The following TRPM3 variants were observed in gnomAD, a reference collection of about 807,000 sequenced individuals.
TRPM3 encodes transient receptor potential cation channel subfamily M member 3, also known as long transient receptor potential channel 3.
TRPM3 carries 77 observed loss-of-function variants against 181.2 expected under a neutral mutation model. That is an observed-to-expected ratio of 0.42 (90% CI 0.35 to 0.51). TRPM3 has a LOEUF of 0.51. TRPM3 is among the 20% of genes least tolerant of loss of function. TRPM3 has a pLI of 0.01. For missense variants in TRPM3, 1,759 were observed against 2,196.7 expected (o/e 0.80, Z 3.98); for synonymous variants, 745 against 796.4 (o/e 0.94, Z 1.09).
chr9:70,894,624 G>C (rs959317974), intron 1 of TRPM3, among the ~76,000 whole-genome samples: 4 of 152,126 alleles, frequency 2.6e-5, no homozygotes, highest in Non-Finnish European at 5.9e-5. Flanking sequence ...TACAAGATTA[G>C]TTGCAGTTGA....
rs1375620844 is a variant in TRPM3 at position 70,549,641 on chromosome 9, A to G, written c.3608T>C (p.Val1203Ala). Residue 1203 changes from valine (V) to alanine (A), a missense_variant, in exon 25 of 26, where the codon GTA (valine) becomes GCA (alanine). This residue lies in a region of TRPM3 where 96 missense variants were observed against 129.6 expected (regional missense o/e 0.74). Coordinates refer to ENST00000677713, the MANE Select transcript of TRPM3 (RefSeq NM_001366145.2). ...TATGCATTGCTCTTCAAAGTCATGT[A>G]CTTTCTTGAGCTCATCATCGGTTAT... is the stretch of plus-strand genomic sequence containing the variant. ...LFITDDELKKVHDFEEQCIEE... is the reference protein window; with the variant it reads ...LFITDDELKKAHDFEEQCIEE... 6.2e-7 allele frequency: 1 copy of G among 1,611,606 alleles called. No homozygotes were observed. Among genetic ancestry groups the G allele is most frequent in the South Asian group, 1.1e-5 (1 of 91,022 alleles).
At chr9:71,177,224 A>C (rs2077149159) in intron 1 of TRPM3, among the ~76,000 whole-genome samples, 1 of 152,088 alleles carries the variant, frequency 6.6e-6, no homozygotes, top group Admixed American at 6.6e-5. Context: ...TTGCAGGAAA[A>C]CAAGCTCAGG....
chr9:70,700,231 C>T (rs2072020018), intron 8 of TRPM3, among the ~76,000 whole-genome samples: 1 of 152,186 alleles, frequency 6.6e-6, no homozygotes, highest in African/African-American at 2.4e-5. Flanking sequence ...GATGCACCTG[C>T]CCCAGCCTCC....
At chr9:70,861,603 A>G (rs1186574606) in intron 3 of TRPM3, among the ~76,000 whole-genome samples, 1 of 152,144 alleles carries the variant, frequency 6.6e-6, no homozygotes. Context: ...GTGGTTTCAG[A>G]GAATCTACAT....
chr9:70,798,623 C>T (rs944151471), intron 6 of TRPM3, among the ~76,000 whole-genome samples: 3 of 152,204 alleles, frequency 2.0e-5, no homozygotes, highest in Admixed American at 2.0e-4. Context: ...TCTTACAGTG[C>T]CTCACACTCA....
chr9:70,976,704 C>T (rs1033575657), intron 1 of TRPM3, among the ~76,000 whole-genome samples: 8 of 152,208 alleles, frequency 5.3e-5, no homozygotes, highest in Non-Finnish European at 1.0e-4. Flanking sequence ...CAATCTCGGG[C>T]AGGGTTAACA....
Position 70,621,249 on chromosome 9 carries a change from T to C in TRPM3, c.1834A>G (p.Met612Val). 6.3e-7 allele frequency: 1 copy of C among 1,599,938 alleles called. No individual in the cohort carries two copies. The highest frequency in any genetic ancestry group is 8.5e-7 in the Non-Finnish European group (1 of 1,172,760). Residue 612 changes from methionine to valine, a missense_variant, in exon 15 of 26, where the codon ATG becomes GTG. Physicochemically the swap from Met to Val is conservative, Grantham distance 21. Around this residue, in one of 8 missense-constraint regions of TRPM3, gnomAD observed 737 missense variants for 957.4 expected, o/e 0.77. Transcript: ENST00000677713. ...KRPKALKLLG[M>V]EDDIPLRRGR... ...TAATTTGGACAAACACTTACCTCCA[T>C]TCCCAGCAGTTTCAAGGCTTTGGGC...
intron 1 of TRPM3, among the ~76,000 whole-genome samples, chr9:71,054,906 T>A (rs1370371755): frequency 3.9e-5 from 6 of 152,148 alleles, no homozygotes; most frequent in African/African-American, 1.4e-4. Flanking sequence ...TAGCTTATAA[T>A]AACTTACAGG....
At chr9:71,109,628 A>T (rs1374631013) in intron 1 of TRPM3, among the ~76,000 whole-genome samples, 1 of 152,146 alleles carries the variant, frequency 6.6e-6, no homozygotes, top group East Asian at 1.9e-4. Context: ...TGGCCGTTTC[A>T]TTCTTTTTGT....
chr9:71,146,994 G>T (rs2075444760), intron 1 of TRPM3, among the ~76,000 whole-genome samples: 1 of 152,092 alleles, frequency 6.6e-6, no homozygotes, highest in Non-Finnish European at 1.5e-5. Context: ...GCCTCAAAAA[G>T]AAACCCGTCT....
intron 1 of TRPM3, among the ~76,000 whole-genome samples, chr9:71,301,429 A>G (rs1479288609): frequency 6.6e-6 from 1 of 152,172 alleles, no homozygotes; most frequent in African/African-American, 2.4e-5. Context: ...ATGTATCACC[A>G]TGTTGTGCTT....
At chr9:70,986,178 C>G (rs1245840535) in intron 1 of TRPM3, among the ~76,000 whole-genome samples, 1 of 151,836 alleles carries the variant, frequency 6.6e-6, no homozygotes, top group Non-Finnish European at 1.5e-5. Flanking sequence ...TGGGCAAGAC[C>G]CCCATCTTTA....
At chr9:70,897,833 G>T (rs572262207) in intron 1 of TRPM3, among the ~76,000 whole-genome samples, 2 of 152,102 alleles carry the variant, frequency 1.3e-5, no homozygotes, top group African/African-American at 2.4e-5. Flanking sequence ...TTGTAATAGC[G>T]CATTGGCCAT....
chr9:71,257,095 A>T (rs2082720386), intron 1 of TRPM3, among the ~76,000 whole-genome samples: 1 of 152,242 alleles, frequency 6.6e-6, no homozygotes, highest in African/African-American at 2.4e-5. Flanking sequence ...ATATCTAGTC[A>T]CATAAAGTAA....
intron 1 of TRPM3, among the ~76,000 whole-genome samples, chr9:71,116,188 T>C (rs1449607734): frequency 6.6e-6 from 1 of 152,186 alleles, no homozygotes. Context: ...TTGCCAGGAT[T>C]CACTGATATA....
At chr9:70,949,545 T>TTA (rs1177239915) in intron 1 of TRPM3, among the ~76,000 whole-genome samples, 12 of 141,962 alleles carry the variant, frequency 8.5e-5, no homozygotes, top group Non-Finnish European at 1.9e-4. Flanking sequence ...TTGAATGTAA[T>TTA]TTTTTTTTTT....
intron 1 of TRPM3, among the ~76,000 whole-genome samples, chr9:71,066,505 G>A (rs758718255): frequency 6.6e-6 from 1 of 152,172 alleles, no homozygotes; most frequent in Non-Finnish European, 1.5e-5. Flanking sequence ...AAATGTTTGT[G>A]AATGGGGTCG....
intron 1 of TRPM3, among the ~76,000 whole-genome samples, chr9:70,882,457 C>T (rs555315967): frequency 1.3e-5 from 2 of 152,112 alleles, no homozygotes; most frequent in East Asian, 1.9e-4. Flanking sequence ...TTAGAATACC[C>T]ACAAAACTGC....
intron 1 of TRPM3, among the ~76,000 whole-genome samples, chr9:70,997,685 A>G (rs2097553536): frequency 6.6e-6 from 1 of 152,148 alleles, no homozygotes; most frequent in African/African-American, 2.4e-5. Context: ...TGATGTCTCC[A>G]CATGATCTTT....
Sources: allele counts gnomAD v4.1 joint callset (sites outside exome capture counted in the v4.1 genomes callset), GRCh38; gene constraint gnomAD v4.1.1; regional missense constraint gnomAD v4.1.1; transcripts MANE v1.5; gene names NCBI Gene and HGNC (gene_info 2026-07-23, HGNC 2026-07-21).